The following ARHGAP32 variants were observed in gnomAD, a reference collection of about 807,000 sequenced individuals.
ARHGAP32 encodes the protein Rho GTPase activating protein 32.
ARHGAP32 carries 51 observed loss-of-function variants against 186.5 expected under a neutral mutation model. The observed-to-expected ratio is 0.27, with a 90% CI of 0.22 to 0.35. The LOEUF is 0.35. ARHGAP32 is among the 10% of genes least tolerant of loss of function. The probability of loss-of-function intolerance (pLI) is 1.00; values close to 1 mark genes in which losing one functional copy is unlikely to be tolerated. For missense variants in ARHGAP32, 2,186 were observed against 2,623.5 expected (o/e 0.83, Z 3.64); for synonymous variants, 950 against 964.3 (o/e 0.99, Z 0.27).
At chr11:129,058,221 A>ACTCT (rs201254281) in intron 10 of ARHGAP32, among the ~76,000 whole-genome samples, 1 of 111,884 alleles carries the variant, frequency 8.9e-6, no homozygotes, top group Non-Finnish European at 1.7e-5. Flanking sequence ...ACACACACAC[A>ACTCT]CTCTCTCTCT....
chr11:129,028,935 C>G (rs1056008402), intron 11 of ARHGAP32, among the ~76,000 whole-genome samples: 1 of 152,004 alleles, frequency 6.6e-6, no homozygotes, highest in African/African-American at 2.4e-5. Flanking sequence ...CAAGGAGATT[C>G]CAGTCAAGTA....
chr11:128,981,160 C>T (rs1945695802), intron 17 of ARHGAP32, among the ~76,000 whole-genome samples: 1 of 152,138 alleles, frequency 6.6e-6, no homozygotes, highest in African/African-American at 2.4e-5. Flanking sequence ...CCACTTTATA[C>T]TTTAATACAC....
intron 2 of ARHGAP32, among the ~76,000 whole-genome samples, chr11:129,133,260 G>C (rs1032680013): frequency 1.3e-5 from 2 of 152,160 alleles, no homozygotes; most frequent in Admixed American, 1.3e-4. Flanking sequence ...AATATGAACA[G>C]ACCTATAGAT....
intron 1 of ARHGAP32, among the ~76,000 whole-genome samples, chr11:129,268,375 C>T (rs1197776599): frequency 6.6e-6 from 1 of 152,036 alleles, no homozygotes; most frequent in Non-Finnish European, 1.5e-5. Context: ...ACAATAAGAA[C>T]TCTTTTTAAA....
intron 2 of ARHGAP32, among the ~76,000 whole-genome samples, chr11:129,149,738 C>CGTAG: frequency 6.6e-6 from 1 of 152,202 alleles, no homozygotes; most frequent in South Asian, 2.1e-4. Flanking sequence ...TTCTACACTA[C>CGTAG]CACCAAAAGA....
intron 1 of ARHGAP32, among the ~76,000 whole-genome samples, chr11:129,202,028 ATGTG>A (rs1363387992): frequency 2.0e-5 from 3 of 151,956 alleles, no homozygotes; most frequent in South Asian, 2.1e-4. Flanking sequence ...TTATATATAT[ATGTG>A]TGTGTATATA....
intron 7 of ARHGAP32, among the ~76,000 whole-genome samples, chr11:129,066,337 T>C (rs188525678): frequency 4.5e-4 from 68 of 152,204 alleles, no homozygotes; most frequent in African/African-American, 1.6e-3. Context: ...TTTTACTATT[T>C]ATTTTTTTGT....
At chr11:129,161,961 C>G (rs1943539432) in intron 2 of ARHGAP32, among the ~76,000 whole-genome samples, 1 of 152,170 alleles carries the variant, frequency 6.6e-6, no homozygotes, top group South Asian at 2.1e-4. Flanking sequence ...GAATACTATG[C>G]AGCCATAAAA....
intron 6 of ARHGAP32, among the ~76,000 whole-genome samples, chr11:129,075,908 A>G (rs568352434): frequency 2.0e-5 from 3 of 152,316 alleles, no homozygotes; most frequent in South Asian, 4.1e-4. Context: ...CGAGGAGGTT[A>G]GGCATTCTAA....
Position 128,965,378 on chromosome 11 carries a change from A to C in ARHGAP32, c.*3529T>G, listed in dbSNP as rs906359783. Reference sequence around the variant, plus strand: ...CACAAAAATATTAAGACATAAAAAAACACTATATAAATTAAAATTAAAAAC... The same window carrying C: ...CACAAAAATATTAAGACATAAAAAACCACTATATAAATTAAAATTAAAAAC... On this transcript the variant is annotated 3_prime_UTR_variant, in exon 23 of 23. Coordinates refer to ENST00000682385, the MANE Select transcript of ARHGAP32 (RefSeq NM_001378024.1). 2 of 152,208 alleles carry C rather than the reference A, an allele frequency of 1.3e-5. No homozygotes were observed. The highest frequency in any genetic ancestry group is 2.9e-5 in the Non-Finnish European group (2 of 68,050). The allele number at this position is 152,208 out of a possible 1,614,324, so 9.4% of individuals were successfully genotyped here.
At chr11:129,162,450 T>G (rs948387627) in intron 2 of ARHGAP32, among the ~76,000 whole-genome samples, 2 of 152,162 alleles carry the variant, frequency 1.3e-5, no homozygotes, top group Admixed American at 6.5e-5. Flanking sequence ...ATATTGCTAT[T>G]GTTGTTGAGG....
chr11:129,085,845 T>C (rs1055603353), intron 6 of ARHGAP32, among the ~76,000 whole-genome samples: 1 of 151,606 alleles, frequency 6.6e-6, no homozygotes, highest in Non-Finnish European at 1.5e-5. Context: ...TACAAAAAAA[T>C]TAGCCAGGCG....
intron 1 of ARHGAP32, among the ~76,000 whole-genome samples, chr11:129,232,134 A>G (rs1944868038): frequency 6.6e-6 from 1 of 150,638 alleles, no homozygotes. Context: ...TACCAGTATT[A>G]TCCTAATAAA....
At chr11:129,126,596 T>C (rs2135389866) in intron 2 of ARHGAP32, among the ~76,000 whole-genome samples, 1 of 152,152 alleles carries the variant, frequency 6.6e-6, no homozygotes. Context: ...AACAGATACA[T>C]GAAAAGGTGG....
At chr11:129,019,081 G>C (rs1045155916) in intron 11 of ARHGAP32, among the ~76,000 whole-genome samples, 2 of 152,126 alleles carry the variant, frequency 1.3e-5, no homozygotes, top group African/African-American at 4.8e-5. Flanking sequence ...ACCCAGCCAA[G>C]TTTTGTTTGA....
chr11:128,968,642 A>G lies in ARHGAP32; in HGVS notation c.*265T>C, dbSNP rs1240231965. ...CCCTAGATGGCAAGTGTGTCCTGAG[A>G]CAGGTTTCTCTACTGGGTTTCAGCA... On this transcript the variant is annotated 3_prime_UTR_variant, in exon 23 of 23. Transcript: ENST00000682385. The G allele has an allele frequency of 3.4e-6, 1 of 296,142 alleles. No homozygotes were observed. Among genetic ancestry groups the G allele is most frequent in the Non-Finnish European group, 6.1e-6 (1 of 162,736 alleles). 18.3% of individuals were successfully genotyped at this position (296,142 alleles called of 1,614,324 possible).
intron 2 of ARHGAP32, among the ~76,000 whole-genome samples, chr11:129,136,063 A>T (rs1591642959): frequency 6.6e-6 from 1 of 152,214 alleles, no homozygotes; most frequent in Admixed American, 6.5e-5. Flanking sequence ...AGAAATTGGA[A>T]GATATGTCTC....
chr11:129,174,400 A>C (rs1168201227), intron 1 of ARHGAP32, among the ~76,000 whole-genome samples: 1 of 152,194 alleles, frequency 6.6e-6, no homozygotes, highest in East Asian at 1.9e-4. Flanking sequence ...TGCTTAGGTA[A>C]ACAAAGCAGC....
At chr11:129,159,441 T>C (rs1442450971) in intron 2 of ARHGAP32, among the ~76,000 whole-genome samples, 1 of 152,010 alleles carries the variant, frequency 6.6e-6, no homozygotes, top group Non-Finnish European at 1.5e-5. Flanking sequence ...ACAAATAAAC[T>C]AGAAAATCTA....
Sources: allele counts gnomAD v4.1 joint callset (sites outside exome capture counted in the v4.1 genomes callset), GRCh38; gene constraint gnomAD v4.1.1; transcripts MANE v1.5; gene names NCBI Gene and HGNC (gene_info 2026-07-23, HGNC 2026-07-21).